Variants in MYO3A observed in about 807,000 individuals in gnomAD.
The protein encoded by MYO3A is myosin IIIA.
Under a neutral mutation model 192.7 loss-of-function variants are expected in MYO3A, and 180 were observed. The observed-to-expected ratio is 0.93, with a 90% confidence interval of 0.83 to 1.06. The LOEUF is 1.06. Ranked by LOEUF, MYO3A falls within the 50% of genes least tolerant of loss-of-function variation. The pLI is 0.00. For synonymous variants in MYO3A, 628 were observed against 645.3 expected, an observed-to-expected ratio of 0.97 and a Z score of 0.41; for missense variants, 1,896 against 1,905.0, an observed-to-expected ratio of 1.00 and a Z score of 0.09.
At chr10:26,093,462 C>A (rs541011632) in intron 15 of MYO3A, among the ~76,000 whole-genome samples, 3 of 152,140 alleles carry the variant, frequency 2.0e-5, no homozygotes, top group Non-Finnish European at 4.4e-5. Flanking sequence ...CACTGGTGAC[C>A]ACAACAAGTA....
chr10:26,086,764 C>T (rs755647604), intron 14 of MYO3A, among the ~76,000 whole-genome samples: 4 of 152,124 alleles, frequency 2.6e-5, no homozygotes, highest in Non-Finnish European at 5.9e-5. Flanking sequence ...TAATGTGGGG[C>T]ACGGGGGCAG....
At chr10:25,999,769 A>G (rs1196480269) in intron 6 of MYO3A, among the ~76,000 whole-genome samples, 2 of 152,172 alleles carry the variant, frequency 1.3e-5, no homozygotes, top group African/African-American at 4.8e-5. Context: ...GAAATCTGCT[A>G]CATATAAAGA....
At chr10:26,101,676 G>A (rs9418534) in intron 17 of MYO3A, among the ~76,000 whole-genome samples, 4,795 of 152,262 alleles carry the variant, frequency 0.031, 80 homozygotes, top group Non-Finnish European at 0.043. Flanking sequence ...GGCTGGATAT[G>A]AAATTCTGGG....
chr10:25,971,799 A>C (rs929448003), intron 4 of MYO3A, among the ~76,000 whole-genome samples: 1 of 151,814 alleles, frequency 6.6e-6, no homozygotes, highest in Non-Finnish European at 1.5e-5. Context: ...CAACCTTTTT[A>C]CTATTGTGTG....
At chr10:26,039,645 TA>T (rs1843232518) in intron 10 of MYO3A, among the ~76,000 whole-genome samples, 1 of 152,146 alleles carries the variant, frequency 6.6e-6, no homozygotes, top group African/African-American at 2.4e-5. Flanking sequence ...TTATTTATTC[TA>T]AATTTTTCAA....
Position 26,070,397 on chromosome 10 carries a change from G to T in MYO3A, c.1355G>T (p.Gly452Val). The stretch of plus-strand genomic sequence containing the variant: ...TTAGTTCAGCAGCTGACAGTGCTTG[G>T]AAAGGTATAATTTATTTTTTTCTCT... Reference protein sequence around the residue: ...HLLVQQLTVLGKANNRTLQEK... With the variant: ...HLLVQQLTVLVKANNRTLQEK... The change falls in exon 14 of 35, where the codon GGA becomes GTA. Residue 452 changes from glycine to valine, a missense_variant. Coordinates refer to ENST00000642920, the MANE Select transcript of MYO3A (RefSeq NM_017433.5). 6.2e-7 allele frequency: 1 copy of T among 1,611,804 alleles called. No individual in the cohort carries two copies.
At chr10:26,181,590 A>T (rs1027841920) in intron 31 of MYO3A, among the ~76,000 whole-genome samples, 3 of 152,166 alleles carry the variant, frequency 2.0e-5, no homozygotes, top group Non-Finnish European at 4.4e-5. Flanking sequence ...AAATAAGCAT[A>T]TATATGACCA....
intron 22 of MYO3A, 67 bp from the exon 23 acceptor site, chr10:26,147,363 T>A (rs1475351123): frequency 4.1e-6 from 6 of 1,464,402 alleles, no homozygotes; most frequent in Non-Finnish European, 5.7e-6. Context: ...TTGATGATGA[T>A]GATGGTGAGG....
At position 26,203,016 on chromosome 10, in the gene MYO3A, A is replaced by T. The variant is rs983120023; in HGVS notation, c.4639A>T (p.Ser1547Cys). The change falls in exon 34 of 35, where the codon AGT becomes TGT. Residue 1547 changes from serine (S) to cysteine (C), a missense_variant. Physicochemically the swap from Ser to Cys is moderately radical, Grantham distance 112. Coordinates refer to ENST00000642920, the MANE Select transcript of MYO3A (RefSeq NM_017433.5). ...EDFYYKEFLP[S>C]RSGPKEHSPS... ...TTTCTATTATAAGGAATTTTTGCCCAGTCGTTCTGGACCAAAGGAACATAG... is the reference window on the plus strand; with the variant it reads ...TTTCTATTATAAGGAATTTTTGCCCTGTCGTTCTGGACCAAAGGAACATAG... 2 of 1,613,838 alleles carry T rather than the reference A, an allele frequency of 1.2e-6. No individual in the cohort carries two copies. The highest frequency in any genetic ancestry group is 1.7e-6 in the Non-Finnish European group (2 of 1,179,814).
At chr10:25,954,830 C>G in intron 3 of MYO3A, 44 bp from the exon 4 acceptor site, 2 of 1,584,922 alleles carry the variant, frequency 1.3e-6, no homozygotes, top group Non-Finnish European at 1.7e-6. Flanking sequence ...TGACATTACT[C>G]ATGGTTTTCT....
intron 34 of MYO3A, among the ~76,000 whole-genome samples, chr10:26,208,573 T>C (rs1054725760): frequency 3.9e-5 from 6 of 152,192 alleles, no homozygotes; most frequent in African/African-American, 1.2e-4. Flanking sequence ...TAGTTGATAT[T>C]TAATATTCTT....
At position 26,154,460 on chromosome 10, in the gene MYO3A, A is replaced by T. The variant is rs56343721; in HGVS notation, c.2716-286A>T. On this transcript the variant is annotated intron_variant, in intron 24 of 34. Transcript: ENST00000642920. ...CTCCCAAAGTGCTGGCATTACAGGCATGAGCCACCATGCCTAGCCCTTTTT... is the reference window on the plus strand; with the variant it reads ...CTCCCAAAGTGCTGGCATTACAGGCTTGAGCCACCATGCCTAGCCCTTTTT... Among the ~76,000 whole-genome samples, 2,153 of 152,294 alleles carry T rather than the reference A, an allele frequency of 0.014. 62 individuals are homozygous for T. Among genetic ancestry groups the T allele is most frequent in the African/African-American group, 0.049 (2,035 of 41,548 alleles).
At chr10:26,169,908 T>C (rs1841959506) in intron 28 of MYO3A, among the ~76,000 whole-genome samples, 1 of 152,190 alleles carries the variant, frequency 6.6e-6, no homozygotes, top group Non-Finnish European at 1.5e-5. Context: ...TCCCCCAACT[T>C]AGTAAAAATA....
At chr10:26,006,628 T>G (rs1199827129) in intron 6 of MYO3A, among the ~76,000 whole-genome samples, 2 of 152,110 alleles carry the variant, frequency 1.3e-5, no homozygotes, top group African/African-American at 4.8e-5. Context: ...CTAGAAAATC[T>G]AGAAGAAATG....
chr10:26,108,013 G>A (rs534421838), intron 17 of MYO3A, among the ~76,000 whole-genome samples: 1 of 151,698 alleles, frequency 6.6e-6, no homozygotes, highest in Non-Finnish European at 1.5e-5. Context: ...AGCATTTAAG[G>A]CTAGAAATTT....
intron 10 of MYO3A, among the ~76,000 whole-genome samples, chr10:26,064,041 A>C (rs1053711363): frequency 6.6e-6 from 1 of 152,248 alleles, no homozygotes; most frequent in Admixed American, 6.5e-5. Flanking sequence ...CTAGATTGGC[A>C]TTATATTAAT....
At position 26,168,811 on chromosome 10, in the gene MYO3A, T is replaced by C. The variant is rs751072925; in HGVS notation, c.3211T>C (p.Cys1071Arg). The C allele has an allele frequency of 1.9e-6, 3 of 1,613,090 alleles. No individual in the cohort carries two copies. The Admixed American group carries it at 5.0e-5, about 27-fold the overall frequency. The change falls in exon 28 of 35, where the codon TGT (cysteine) becomes CGT (arginine). Residue 1071 changes from cysteine to arginine, a missense_variant. Cys to Arg is a radical substitution (Grantham distance 180). Transcript: ENST00000642920. ...TCAAGCTTGTGTCAGAGCATTCTTGTGTTCAAGAAGATACCAAAAAATACA... is the reference window on the plus strand; with the variant it reads ...TCAAGCTTGTGTCAGAGCATTCTTGCGTTCAAGAAGATACCAAAAAATACA... Reference protein sequence around the residue: ...LIQACVRAFLCSRRYQKIQEK... With the variant: ...LIQACVRAFLRSRRYQKIQEK...
chr10:26,096,300 GT>G (rs1438120184), intron 15 of MYO3A, 80 bp from the exon 16 acceptor site: 1 of 1,076,444 alleles, frequency 9.3e-7, no homozygotes, highest in Non-Finnish European at 1.4e-6. Context: ...CACAGTCGTT[GT>G]TCAAATAATT....
At chr10:26,165,051 C>G (rs1423815849) in intron 26 of MYO3A, among the ~76,000 whole-genome samples, 1 of 152,120 alleles carries the variant, frequency 6.6e-6, no homozygotes, top group African/African-American at 2.4e-5. Flanking sequence ...CTCCACGGAG[C>G]CTAACAGAAG....
Sources: gnomAD v4.1 joint callset for allele counts (sites outside exome capture counted in the v4.1 genomes callset) on GRCh38, gnomAD v4.1.1 for gene constraint, MANE v1.5 for transcripts, NCBI Gene and HGNC (gene_info 2026-07-23, HGNC 2026-07-21) for gene names.